FAM135B: variants seen among roughly 807,000 people sequenced by gnomAD.
FAM135B encodes family with sequence similarity 135 member B, also known as protein FAM135B.
In FAM135B, 43 loss-of-function variants were observed where a neutral mutation model predicts 127.7. That is an observed-to-expected ratio of 0.34 (90% CI 0.26 to 0.43). FAM135B has a LOEUF of 0.43. Among genes scored for constraint, FAM135B ranks in the 20% least tolerant of loss-of-function variants. The pLI is 1.00. For synonymous variants in FAM135B, 670 were observed against 665.1 expected (o/e 1.01, Z -0.11); for missense variants, 1,558 against 1,725.6 (o/e 0.90, Z 1.72).
rs945611713 is a variant in FAM135B at position 138,415,893 on chromosome 8, A to T, written c.-19-47891T>A. Among the ~76,000 whole-genome samples the T allele has an allele frequency of 2.6e-5, 4 of 152,308 alleles. No homozygotes were observed. In the South Asian group the frequency reaches 8.3e-4, roughly 32 times the overall value. ...TTTATCAAATATCTCCATTGGTTTC[A>T]CGGTGTCTAGAAACTAAAATTCTAC... On this transcript the variant is annotated intron_variant, in intron 1 of 19. Coordinates refer to ENST00000395297, the MANE Select transcript of FAM135B (RefSeq NM_015912.4).
chr8:138,163,286 T>G (rs1819574748), intron 12 of FAM135B, among the ~76,000 whole-genome samples: 1 of 152,166 alleles, frequency 6.6e-6, no homozygotes, highest in South Asian at 2.1e-4. Context: ...TGGCTAACTC[T>G]TCAGGCTTTA....
chr8:138,235,357 T>C (rs1820193418), intron 7 of FAM135B, among the ~76,000 whole-genome samples: 1 of 152,180 alleles, frequency 6.6e-6, no homozygotes, highest in African/African-American at 2.4e-5. Flanking sequence ...AGTTAATGCT[T>C]GATTAATGTT....
intron 1 of FAM135B, among the ~76,000 whole-genome samples, chr8:138,415,825 C>A (rs1327196493): frequency 6.6e-6 from 1 of 152,158 alleles, no homozygotes; most frequent in East Asian, 1.9e-4. Context: ...CCTTCACATC[C>A]CCATAGGCCC....
chr8:138,413,557 A>G (rs1833977231), intron 1 of FAM135B, among the ~76,000 whole-genome samples: 1 of 152,350 alleles, frequency 6.6e-6, no homozygotes, highest in South Asian at 2.1e-4. Context: ...AACAACAACC[A>G]TAGTATATTC....
At chr8:138,267,675 A>G (rs1823044880) in intron 3 of FAM135B, among the ~76,000 whole-genome samples, 1 of 152,120 alleles carries the variant, frequency 6.6e-6, no homozygotes, top group South Asian at 2.1e-4. Flanking sequence ...ACACAGGATC[A>G]CAGTCACCTC....
chr8:138,238,154 T>C (rs1278363714), intron 7 of FAM135B, among the ~76,000 whole-genome samples: 2 of 152,188 alleles, frequency 1.3e-5, no homozygotes, highest in African/African-American at 4.8e-5. Context: ...TCACTCAATG[T>C]CTCACCACAA....
At chr8:138,462,484 G>T (rs184968284) in intron 1 of FAM135B, among the ~76,000 whole-genome samples, 23 of 152,278 alleles carry the variant, frequency 1.5e-4, no homozygotes, top group African/African-American at 4.6e-4. Context: ...AGTCAAGAAA[G>T]AACTCCAGAG....
intron 3 of FAM135B, among the ~76,000 whole-genome samples, chr8:138,303,926 G>A (rs1321302220): frequency 6.6e-6 from 1 of 152,226 alleles, no homozygotes; most frequent in Non-Finnish European, 1.5e-5. Context: ...AAGAACCTGG[G>A]TGGACTCAGG....
chr8:138,323,526 G>A (rs1027061490), intron 2 of FAM135B, among the ~76,000 whole-genome samples: 7 of 152,204 alleles, frequency 4.6e-5, no homozygotes, highest in African/African-American at 1.7e-4. Flanking sequence ...CCAGCCATGA[G>A]TATTAAAAAG....
chr8:138,440,759 A>G (rs1835713456), intron 1 of FAM135B: 1 of 151,800 alleles, frequency 6.6e-6, no homozygotes, highest in Admixed American at 6.5e-5. Flanking sequence ...TTTCTGAGAT[A>G]TACTCATACT....
intron 1 of FAM135B, among the ~76,000 whole-genome samples, chr8:138,425,067 T>C (rs887838605): frequency 6.6e-5 from 10 of 152,180 alleles, no homozygotes; most frequent in Admixed American, 6.5e-5. Flanking sequence ...AACCACATGG[T>C]CATCCTTATC....
At chr8:138,236,495 T>C (rs548856620) in intron 7 of FAM135B, among the ~76,000 whole-genome samples, 1 of 152,224 alleles carries the variant, frequency 6.6e-6, no homozygotes, top group East Asian at 1.9e-4. Flanking sequence ...CACAACCTTC[T>C]TTGGTTAAAC....
chr8:138,134,365 A>G (rs1816453821), intron 19 of FAM135B, among the ~76,000 whole-genome samples: 1 of 152,244 alleles, frequency 6.6e-6, no homozygotes, highest in African/African-American at 2.4e-5. Flanking sequence ...TGTATATGCA[A>G]TAAAGGTCAG....
At chr8:138,210,115 G>T (rs1381265165) in intron 7 of FAM135B, among the ~76,000 whole-genome samples, 1 of 152,216 alleles carries the variant, frequency 6.6e-6, no homozygotes, top group African/African-American at 2.4e-5. Context: ...AGACATGTCT[G>T]CAGAATAAGT....
chr8:138,217,027 T>C (rs766348023), intron 7 of FAM135B, among the ~76,000 whole-genome samples: 29 of 152,216 alleles, frequency 1.9e-4, no homozygotes, highest in Admixed American at 7.8e-4. Context: ...GATAGTATAA[T>C]AATAGTCACC....
intron 1 of FAM135B, among the ~76,000 whole-genome samples, chr8:138,395,705 CTG>C (rs1281229842): frequency 6.6e-6 from 1 of 152,166 alleles, no homozygotes; most frequent in Non-Finnish European, 1.5e-5. Context: ...TTGCCAATCT[CTG>C]TACTTTGGGG....
intron 3 of FAM135B, among the ~76,000 whole-genome samples, chr8:138,277,619 C>T (rs1402430687): frequency 6.6e-6 from 1 of 152,162 alleles, no homozygotes; most frequent in Non-Finnish European, 1.5e-5. Flanking sequence ...TCAGGCATAG[C>T]CAGTGTATGG....
intron 1 of FAM135B, among the ~76,000 whole-genome samples, chr8:138,456,900 C>T (rs1313382223): frequency 6.6e-6 from 1 of 151,638 alleles, no homozygotes; most frequent in Non-Finnish European, 1.5e-5. Context: ...GGAGTCATAC[C>T]CCGTTCCTCT....
chr8:138,151,634 G>C lies in FAM135B; in HGVS notation c.2841C>G (p.Asn947Lys). 9.3e-6 allele frequency: 15 copies of C among 1,614,166 alleles called. No individual in the cohort carries two copies. Among genetic ancestry groups the C allele is most frequent in the Non-Finnish European group, 1.3e-5 (15 of 1,180,026 alleles). Residue 947 changes from asparagine to lysine, a missense_variant, in exon 13 of 20, where the codon AAC (asparagine) becomes AAG (lysine). Transcript: ENST00000395297. ...LSCTSAADAI[N>K]RNSTGQQSQS... ...GGCTTTGCTGGCCTGTTGAGTTCCT[G>C]TTGATGGCATCAGCAGCTGACGTAC...
Sources: gnomAD v4.1 joint callset for allele counts (sites outside exome capture counted in the v4.1 genomes callset) on GRCh38, gnomAD v4.1.1 for gene constraint, MANE v1.5 for transcripts, NCBI Gene and HGNC (gene_info 2026-07-23, HGNC 2026-07-21) for gene names.